PRDM5: variants seen among roughly 807,000 people sequenced by gnomAD.
The protein encoded by PRDM5 is PR/SET domain 5.
A neutral mutation model predicts 81.2 loss-of-function variants in PRDM5; 56 were observed. That is an observed-to-expected ratio of 0.69 (90% CI 0.56 to 0.86). The LOEUF is 0.86. Ranked by LOEUF, PRDM5 falls within the 40% of genes least tolerant of loss-of-function variation. The probability of loss-of-function intolerance (pLI) is 0.00; values close to 1 mark genes in which losing one functional copy is unlikely to be tolerated. For synonymous variants in PRDM5, 267 were observed against 256.4 expected, an observed-to-expected ratio of 1.04 and a Z score of -0.39; for missense variants, 697 against 770.1, an observed-to-expected ratio of 0.91 and a Z score of 1.12.
At chr4:120,892,105 T>TA (rs1266584608) in intron 2 of PRDM5, among the ~76,000 whole-genome samples, 1 of 151,246 alleles carries the variant, frequency 6.6e-6, no homozygotes, top group Non-Finnish European at 1.5e-5. Context: ...AATTTCCATA[T>TA]AGTTGTGTGG....
intron 2 of PRDM5, among the ~76,000 whole-genome samples, chr4:120,865,765 C>A (rs2148516848): frequency 6.6e-6 from 1 of 152,218 alleles, no homozygotes; most frequent in East Asian, 1.9e-4. Context: ...ATACACTGAT[C>A]TCCGGGGTTC....
intron 10 of PRDM5, among the ~76,000 whole-genome samples, chr4:120,794,173 T>C (rs2149271751): frequency 6.6e-6 from 1 of 152,208 alleles, no homozygotes; most frequent in South Asian, 2.1e-4. Context: ...TTTTGTACAA[T>C]ATAGCAACAC....
chr4:120,699,387 C>A (rs958026043), intron 15 of PRDM5, among the ~76,000 whole-genome samples: 7 of 151,576 alleles, frequency 4.6e-5, no homozygotes, highest in Non-Finnish European at 5.9e-5. Context: ...CTTTTAGCAA[C>A]TTGTTCATTT....
intron 3 of PRDM5, among the ~76,000 whole-genome samples, chr4:120,835,457 C>T (rs937962761): frequency 6.6e-6 from 1 of 152,154 alleles, no homozygotes; most frequent in African/African-American, 2.4e-5. Context: ...TGTCCCCATC[C>T]AAATCTCATT....
intron 8 of PRDM5, among the ~76,000 whole-genome samples, chr4:120,801,496 T>G (rs1415158741): frequency 6.6e-6 from 1 of 152,144 alleles, no homozygotes; most frequent in African/African-American, 2.4e-5. Context: ...TCTTGGTGAG[T>G]CATTAAATTC....
At chr4:120,853,810 T>C (rs1759563289) in intron 2 of PRDM5, among the ~76,000 whole-genome samples, 1 of 152,164 alleles carries the variant, frequency 6.6e-6, no homozygotes, top group African/African-American at 2.4e-5. Context: ...CAAAATTATT[T>C]CGGTTTGTAA....
intron 13 of PRDM5, among the ~76,000 whole-genome samples, chr4:120,760,733 C>A (rs1745484409): frequency 6.6e-6 from 1 of 151,630 alleles, no homozygotes; most frequent in South Asian, 2.1e-4. Flanking sequence ...CTAATGTATT[C>A]ATTCATTAAA....
At chr4:120,920,614 A>G (rs572248272) in intron 1 of PRDM5, among the ~76,000 whole-genome samples, 1 of 152,318 alleles carries the variant, frequency 6.6e-6, no homozygotes, top group African/African-American at 2.4e-5. Flanking sequence ...AAGGAAAAGG[A>G]ACTGAAGCTT....
intron 2 of PRDM5, among the ~76,000 whole-genome samples, chr4:120,905,760 C>CT (rs1765729591): frequency 6.6e-6 from 1 of 152,118 alleles, no homozygotes; most frequent in South Asian, 2.1e-4. Flanking sequence ...GAGAGACTCT[C>CT]TATGTGTGGA....
intron 4 of PRDM5, 84 bp from the exon 5 acceptor site, chr4:120,818,611 T>A: frequency 8.5e-7 from 1 of 1,180,956 alleles, no homozygotes; most frequent in Non-Finnish European, 1.3e-6. Context: ...TTAAATTAAT[T>A]AATTAATTGT....
At chr4:120,820,816 C>T (rs1189544228) in intron 4 of PRDM5, among the ~76,000 whole-genome samples, 2 of 152,202 alleles carry the variant, frequency 1.3e-5, no homozygotes, top group Non-Finnish European at 2.9e-5. Flanking sequence ...CAGCAACTTG[C>T]CCAACGTTAC....
At chr4:120,751,433 T>G (rs1208274006) in intron 14 of PRDM5, among the ~76,000 whole-genome samples, 1 of 146,016 alleles carries the variant, frequency 6.8e-6, no homozygotes, top group Admixed American at 6.8e-5. Context: ...TGGAACAGTA[T>G]CAAATAGTCT....
At chr4:120,882,918 A>G (rs1377485019) in intron 2 of PRDM5, among the ~76,000 whole-genome samples, 1 of 152,242 alleles carries the variant, frequency 6.6e-6, no homozygotes, top group East Asian at 1.9e-4. Context: ...ACCAAAGAAT[A>G]AAGCTGTTTG....
chr4:120,883,791 T>C (rs1763106853), intron 2 of PRDM5, among the ~76,000 whole-genome samples: 1 of 152,182 alleles, frequency 6.6e-6, no homozygotes, highest in Non-Finnish European at 1.5e-5. Context: ...GAAGATTACT[T>C]AGAGAATCAT....
At chr4:120,803,151 T>A (rs141662052) in intron 8 of PRDM5, among the ~76,000 whole-genome samples, 30,279 of 151,922 alleles carry the variant, frequency 0.2, 3,667 homozygotes, top group Non-Finnish European at 0.28. Flanking sequence ...AAGGAAAGTT[T>A]AGAGAAAAAA....
intron 15 of PRDM5, among the ~76,000 whole-genome samples, chr4:120,703,619 T>C (rs571529000): frequency 1.6e-4 from 25 of 152,292 alleles, no homozygotes; most frequent in African/African-American, 6.0e-4. Context: ...ACTTTCACCA[T>C]GTTCCAGGAG....
At position 120,907,289 on chromosome 4, in the gene PRDM5, G is replaced by A. The variant is rs142701541; in HGVS notation, c.177+185C>T. ...GCGGACGTTGCAGTGAGCCAAGATCGCACCATTGCACTCCAGCCTGGGCAA... is the reference window on the plus strand; with the variant it reads ...GCGGACGTTGCAGTGAGCCAAGATCACACCATTGCACTCCAGCCTGGGCAA... On this transcript the variant is annotated intron_variant, in intron 2 of 15. Transcript: ENST00000264808. Among the ~76,000 whole-genome samples the A allele has an allele frequency of 0.012, 1,789 of 143,958 alleles. 32 individuals are homozygous for A. Among genetic ancestry groups the A allele is most frequent in the African/African-American group, 0.044 (1,686 of 38,396 alleles). 94.4% of individuals were successfully genotyped at this position (143,958 alleles called of 152,430 possible). A position where few individuals can be genotyped will look rare whatever the true frequency, so the allele number is the denominator to read the frequency against.
At chr4:120,807,415 T>G (rs868720360) in intron 8 of PRDM5, among the ~76,000 whole-genome samples, 1 of 152,250 alleles carries the variant, frequency 6.6e-6, no homozygotes, top group Non-Finnish European at 1.5e-5. Context: ...TGCACACGTA[T>G]GTTTATTGCA....
intron 7 of PRDM5, chr4:120,812,978 GT>G (rs201936446): frequency 0.018 from 2,938 of 160,496 alleles, 38 homozygotes; most frequent in Middle Eastern, 0.033. Flanking sequence ...AATCAGCTGG[GT>G]TTTTTAAGAT....
Sources: allele counts gnomAD v4.1 joint callset (sites outside exome capture counted in the v4.1 genomes callset), GRCh38; gene constraint gnomAD v4.1.1; transcripts MANE v1.5; gene names NCBI Gene and HGNC (gene_info 2026-07-23, HGNC 2026-07-21).